Variants in BCAS4 observed in about 807,000 individuals in gnomAD.
BCAS4 encodes the protein breast carcinoma amplified sequence 4, also known as breast carcinoma-amplified sequence 4.
BCAS4 carries 9 observed loss-of-function variants against 15.7 expected under a neutral mutation model. That is an observed-to-expected ratio of 0.57 (90% CI 0.34 to 1.00). The LOEUF is 1.00. BCAS4 is among the 50% of genes least tolerant of loss of function. The pLI, the probability that BCAS4 is intolerant of heterozygous loss-of-function variation, is 0.02. For synonymous variants in BCAS4, 101 were observed against 99.5 expected (o/e 1.02, Z -0.09); for missense variants, 225 against 239.1 (o/e 0.94, Z 0.39).
chr20:50,856,551 A>C (rs1978769700), intron 4 of BCAS4, among the ~76,000 whole-genome samples: 1 of 152,200 alleles, frequency 6.6e-6, no homozygotes, highest in Non-Finnish European at 1.5e-5. Flanking sequence ...TGCCACCCTG[A>C]TCAGGATTGG....
intron 1 of BCAS4, among the ~76,000 whole-genome samples, chr20:50,808,801 C>G (rs2088025576): frequency 6.6e-6 from 1 of 152,092 alleles, no homozygotes; most frequent in Non-Finnish European, 1.5e-5. Flanking sequence ...GTTTACTCTG[C>G]TGATTATTTC....
At chr20:50,825,575 T>TA (rs2088269400) in intron 2 of BCAS4, among the ~76,000 whole-genome samples, 1 of 152,072 alleles carries the variant, frequency 6.6e-6, no homozygotes, top group South Asian at 2.1e-4. Flanking sequence ...GGGATTTCTC[T>TA]AAAAATAAAA....
intron 4 of BCAS4, among the ~76,000 whole-genome samples, chr20:50,860,682 C>T (rs1037269563): frequency 1.3e-5 from 2 of 152,098 alleles, no homozygotes; most frequent in Non-Finnish European, 2.9e-5. Flanking sequence ...TCAAGACCAG[C>T]CTGGCCAACA....
At chr20:50,800,079 C>G (rs1234258495) in intron 1 of BCAS4, among the ~76,000 whole-genome samples, 1 of 152,076 alleles carries the variant, frequency 6.6e-6, no homozygotes, top group Non-Finnish European at 1.5e-5. Context: ...CGTAACAAAA[C>G]CTCTAAACTG....
chr20:50,866,604 C>A (rs530390396), intron 4 of BCAS4, among the ~76,000 whole-genome samples: 1 of 152,274 alleles, frequency 6.6e-6, no homozygotes, highest in South Asian at 2.1e-4. Context: ...CAAAGGTGAC[C>A]CGTTTGTGCT....
intron 4 of BCAS4, among the ~76,000 whole-genome samples, chr20:50,844,754 C>G (rs562015545): frequency 6.6e-6 from 1 of 152,180 alleles, no homozygotes; most frequent in Non-Finnish European, 1.5e-5. Context: ...GGCATCCCCC[C>G]CCGGGGTGTG....
intron 1 of BCAS4, 27 bp downstream of exon 1, chr20:50,795,200 G>A: frequency 1.5e-6 from 2 of 1,368,900 alleles, no homozygotes; most frequent in Non-Finnish European, 1.9e-6. Flanking sequence ...TGGAGTTGGA[G>A]GAGAGGGTTC....
At chr20:50,847,807 C>CA (rs2088564491) in intron 4 of BCAS4, among the ~76,000 whole-genome samples, 2 of 152,122 alleles carry the variant, frequency 1.3e-5, no homozygotes, top group Non-Finnish European at 2.9e-5. Context: ...CTTTGGGAGG[C>CA]CTAGGTGGGT....
At chr20:50,852,253 C>T (rs1177340469) in intron 4 of BCAS4, among the ~76,000 whole-genome samples, 1 of 152,136 alleles carries the variant, frequency 6.6e-6, no homozygotes, top group Non-Finnish European at 1.5e-5. Context: ...CAGGCAAGGC[C>T]CTGAGTGATG....
chr20:50,832,771 G>A (rs1334818702), intron 3 of BCAS4: 1 of 152,312 alleles, frequency 6.6e-6, no homozygotes, highest in Non-Finnish European at 1.5e-5. Context: ...AGCCCACGGA[G>A]TGACATCTTC....
chr20:50,796,745 C>T (rs976665218), intron 1 of BCAS4, among the ~76,000 whole-genome samples: 16 of 151,672 alleles, frequency 1.1e-4, no homozygotes, highest in Middle Eastern at 3.4e-3. Flanking sequence ...CCACCCTCCT[C>T]GGCCTCCCAA....
At chr20:50,814,049 T>A (rs2088106141) in intron 1 of BCAS4, among the ~76,000 whole-genome samples, 1 of 152,116 alleles carries the variant, frequency 6.6e-6, no homozygotes, top group Admixed American at 6.5e-5. Context: ...TAGGGGATAA[T>A]CTTGAGAGAA....
At position 50,830,318 on chromosome 20, in the gene BCAS4, C is replaced by G; in HGVS notation, c.202C>G (p.Pro68Ala). The change falls in exon 3 of 5, where the codon CCA becomes GCA. Residue 68 changes from proline (P) to alanine (A), a missense_variant. Coordinates refer to ENST00000371608, the MANE Select transcript of BCAS4 (RefSeq NM_198799.4). ...TTCACAGATCCTGGAGGAAAACATC[C>G]CAGTCCTTAAGGCCAAACTGACAGA... ...DTSQILEENI[P>A]VLKAKLTEMR... 2 of 1,614,038 alleles carry G rather than the reference C, an allele frequency of 1.2e-6. No homozygotes were observed. The highest frequency in any genetic ancestry group is 1.7e-6 in the Non-Finnish European group (2 of 1,179,958).
intron 2 of BCAS4, among the ~76,000 whole-genome samples, chr20:50,823,142 C>A (rs1238594095): frequency 6.6e-6 from 1 of 151,786 alleles, no homozygotes; most frequent in Non-Finnish European, 1.5e-5. Flanking sequence ...GAGTTTGAGA[C>A]CAGCCTGGCC....
At chr20:50,826,972 C>CA (rs1017931160) in intron 2 of BCAS4, among the ~76,000 whole-genome samples, 6 of 150,098 alleles carry the variant, frequency 4.0e-5, no homozygotes, top group Non-Finnish European at 8.9e-5. Context: ...TATAAAAAAA[C>CA]AAAAAAACAA....
At chr20:50,845,275 C>T (rs1024590312) in intron 4 of BCAS4, among the ~76,000 whole-genome samples, 20 of 152,084 alleles carry the variant, frequency 1.3e-4, no homozygotes, top group African/African-American at 4.6e-4. Flanking sequence ...CCTCCCTGAC[C>T]GCCGGACCTG....
chr20:50,817,099 G>A (rs1471221278), intron 1 of BCAS4, among the ~76,000 whole-genome samples: 1 of 150,926 alleles, frequency 6.6e-6, no homozygotes, highest in Admixed American at 6.6e-5. Flanking sequence ...GTGCACCTGG[G>A]CTAATTTTTT....
chr20:50,808,060 A>G lies in BCAS4; in HGVS notation c.91-10151A>G, dbSNP rs530124905. On this transcript the variant is annotated intron_variant, in intron 1 of 4. Coordinates refer to ENST00000371608, the MANE Select transcript of BCAS4 (RefSeq NM_198799.4). ...GTAGCTGGGATTACAGGCGCCCGCC[A>G]CCATGCCCGGCTAATTTTTTTTTTG... is the stretch of plus-strand genomic sequence containing the variant. Among the ~76,000 whole-genome samples the G allele has an allele frequency of 1.2e-3, 189 of 151,882 alleles. 2 individuals are homozygous for G. Among genetic ancestry groups the G allele is most frequent in the Middle Eastern group, 3.4e-3 (1 of 294 alleles).
intron 4 of BCAS4, among the ~76,000 whole-genome samples, chr20:50,859,867 C>T (rs1304919985): frequency 1.3e-5 from 2 of 152,108 alleles, no homozygotes; most frequent in East Asian, 1.9e-4. Context: ...AGGCCGGACG[C>T]GGTGGCTCAC....
Sources: gnomAD v4.1 joint callset for allele counts (sites outside exome capture counted in the v4.1 genomes callset) on GRCh38, gnomAD v4.1.1 for gene constraint, MANE v1.5 for transcripts, NCBI Gene and HGNC (gene_info 2026-07-23, HGNC 2026-07-21) for gene names.